The following OPCML variants were observed in gnomAD, a reference collection of about 807,000 sequenced individuals.
OPCML encodes opioid-binding protein/cell adhesion molecule.
A neutral mutation model predicts 37.8 loss-of-function variants in OPCML; 13 were observed. The observed-to-expected ratio is 0.34, with a 90% confidence interval of 0.22 to 0.55. The LOEUF is 0.55. Ranked by LOEUF, OPCML falls within the 20% of genes least tolerant of loss-of-function variation. OPCML has a pLI of 0.91. For synonymous variants in OPCML, 176 were observed against 168.8 expected (o/e 1.04, Z -0.33); for missense variants, 341 against 435.6 (o/e 0.78, Z 1.93).
rs530279357 is a variant in OPCML at position 132,644,981 on chromosome 11, C to A, written c.379+12106G>T. Among the ~76,000 whole-genome samples the A allele has an allele frequency of 3.3e-5, 5 of 152,214 alleles. No individual in the cohort carries two copies. In the South Asian group the frequency reaches 1.0e-3, roughly 32 times the overall value. ...TAATTGACCTGAACACAGTTGCTAACTGGTCATTAATGTCTGCTTACTGGC... is the reference window on the plus strand; with the variant it reads ...TAATTGACCTGAACACAGTTGCTAAATGGTCATTAATGTCTGCTTACTGGC... On this transcript the variant is annotated intron_variant, in intron 3 of 7. Coordinates refer to ENST00000524381, the MANE Select transcript of OPCML (RefSeq NM_001012393.5).
intron 7 of OPCML, among the ~76,000 whole-genome samples, chr11:132,421,008 C>T (rs565391232): frequency 2.8e-4 from 42 of 152,136 alleles, no homozygotes; most frequent in African/African-American, 9.9e-4. Context: ...TCTCTCTGGC[C>T]CCTTCCTGTA....
At chr11:133,082,470 C>CCTCCCCTCCCCACG (rs1252781161) in intron 1 of OPCML, among the ~76,000 whole-genome samples, 13 of 99,088 alleles carry the variant, frequency 1.3e-4, no homozygotes, top group African/African-American at 4.8e-4. Flanking sequence ...TCCTCCCCAT[C>CCTCCCCTCCCCACG]CTCCCCTCCC....
intron 1 of OPCML, among the ~76,000 whole-genome samples, chr11:132,963,540 C>A (rs1028594031): frequency 6.7e-6 from 1 of 149,092 alleles, no homozygotes; most frequent in African/African-American, 2.5e-5. Context: ...TGCAGTGAGC[C>A]AAGATCGTGC....
chr11:132,415,238 C>T lies in OPCML; in HGVS notation c.*4955G>A, dbSNP rs550093453. 33 of 152,656 alleles carry T rather than the reference C, an allele frequency of 2.2e-4. No individual in the cohort carries two copies. Among genetic ancestry groups the T allele is most frequent in the African/African-American group, 7.7e-4 (32 of 41,546 alleles). 9.5% of individuals were successfully genotyped at this position (152,656 alleles called of 1,614,324 possible). On this transcript the variant is annotated 3_prime_UTR_variant, in exon 8 of 8. Coordinates refer to ENST00000524381, the MANE Select transcript of OPCML (RefSeq NM_001012393.5). ...TGTATCGTGTGATAAATTTTTAAAG[C>T]ATTTGAACATAGATTTTTTTTGAAG...
intron 1 of OPCML, among the ~76,000 whole-genome samples, chr11:133,055,102 T>G (rs535781039): frequency 6.6e-6 from 1 of 151,018 alleles, no homozygotes; most frequent in African/African-American, 2.4e-5. Context: ...GAGCCGCCTC[T>G]ACCGTACAAT....
At chr11:133,314,706 T>C (rs1197882974) in intron 1 of OPCML, among the ~76,000 whole-genome samples, 1 of 152,056 alleles carries the variant, frequency 6.6e-6, no homozygotes, top group Non-Finnish European at 1.5e-5. Flanking sequence ...GACTCAATGG[T>C]CTCCCCCACA....
At chr11:132,996,386 G>A (rs1476708635) in intron 1 of OPCML, among the ~76,000 whole-genome samples, 1 of 151,396 alleles carries the variant, frequency 6.6e-6, no homozygotes, top group Admixed American at 6.6e-5. Flanking sequence ...TTGGGGGACC[G>A]AGATGGGCAG....
intron 1 of OPCML, among the ~76,000 whole-genome samples, chr11:133,431,525 G>A (rs1405209977): frequency 6.6e-6 from 1 of 152,094 alleles, no homozygotes; most frequent in African/African-American, 2.4e-5. Flanking sequence ...GAGGGCAATA[G>A]CGTGATCTCA....
intron 3 of OPCML, among the ~76,000 whole-genome samples, chr11:132,584,638 T>G (rs9667235): frequency 0.14 from 21,615 of 152,218 alleles, 2,070 homozygotes; most frequent in East Asian, 0.45. Context: ...GTTACAGAAC[T>G]GGGCTCCCTG....
At chr11:132,488,003 C>T (rs2096205195) in intron 4 of OPCML, among the ~76,000 whole-genome samples, 1 of 152,194 alleles carries the variant, frequency 6.6e-6, no homozygotes, top group Non-Finnish European at 1.5e-5. Flanking sequence ...GTGCAGAGAT[C>T]CAGTTGGCTC....
At chr11:132,865,623 C>T (rs927511309) in intron 2 of OPCML, among the ~76,000 whole-genome samples, 54 of 152,134 alleles carry the variant, frequency 3.5e-4, no homozygotes, top group African/African-American at 1.3e-3. Flanking sequence ...CCAGTGTAGA[C>T]GCTATTATCA....
At chr11:133,236,008 A>G (rs1046424357) in intron 1 of OPCML, among the ~76,000 whole-genome samples, 1 of 152,180 alleles carries the variant, frequency 6.6e-6, no homozygotes, top group Non-Finnish European at 1.5e-5. Flanking sequence ...AACGTTATAT[A>G]TACTATGTTT....
intron 2 of OPCML, among the ~76,000 whole-genome samples, chr11:132,695,218 G>A (rs951352915): frequency 2.0e-5 from 3 of 152,136 alleles, no homozygotes; most frequent in African/African-American, 7.2e-5. Flanking sequence ...TTGGAAGCAC[G>A]GCCCCTTAGA....
At chr11:132,722,915 T>A (rs920294659) in intron 2 of OPCML, among the ~76,000 whole-genome samples, 1 of 152,208 alleles carries the variant, frequency 6.6e-6, no homozygotes, top group African/African-American at 2.4e-5. Context: ...GTACTCTCCA[T>A]ATCCTATGAT....
In OPCML at chr11:133,039,412, C is replaced by T. The variant is rs190608496; in HGVS notation, c.62-96402G>A. Reference sequence around the variant, plus strand: ...CTTGCCTCCTCATGCCTTCCAAAGCCCTCCAGCCCTGATCAGAGGCGCTTG... The same window carrying T: ...CTTGCCTCCTCATGCCTTCCAAAGCTCTCCAGCCCTGATCAGAGGCGCTTG... On this transcript the variant is annotated intron_variant, in intron 1 of 7. Transcript: ENST00000524381. Among the ~76,000 whole-genome samples the T allele has an allele frequency of 2.2e-4, 33 of 152,278 alleles. No individual in the cohort carries two copies. In the East Asian group the frequency reaches 5.6e-3, roughly 26 times the overall value.
intron 1 of OPCML, among the ~76,000 whole-genome samples, chr11:133,097,685 A>C (rs1342167667): frequency 6.6e-6 from 1 of 152,164 alleles, no homozygotes; most frequent in Admixed American, 6.5e-5. Context: ...GAAAGAAGGG[A>C]CATCACTACC....
At chr11:132,518,189 G>A (rs1235316764) in intron 4 of OPCML, among the ~76,000 whole-genome samples, 1 of 152,082 alleles carries the variant, frequency 6.6e-6, no homozygotes, top group Non-Finnish European at 1.5e-5. Flanking sequence ...TTTAAGACCC[G>A]CATGCATTAG....
At chr11:132,621,504 G>T (rs1452364332) in intron 3 of OPCML, among the ~76,000 whole-genome samples, 2 of 152,158 alleles carry the variant, frequency 1.3e-5, no homozygotes, top group African/African-American at 2.4e-5. Flanking sequence ...AGCATGGAAG[G>T]ATATCACAGA....
At chr11:133,146,254 G>T (rs1202148191) in intron 1 of OPCML, among the ~76,000 whole-genome samples, 1 of 151,834 alleles carries the variant, frequency 6.6e-6, no homozygotes, top group Non-Finnish European at 1.5e-5. Context: ...GGGAGGGAGA[G>T]GTCATGATCA....
Sources: allele counts gnomAD v4.1 joint callset (sites outside exome capture counted in the v4.1 genomes callset), GRCh38; gene constraint gnomAD v4.1.1; transcripts MANE v1.5; gene names NCBI Gene and HGNC (gene_info 2026-07-23, HGNC 2026-07-21).